Variants in NEBL observed in about 807,000 individuals in gnomAD.
NEBL encodes the protein nebulette.
In NEBL, 122 loss-of-function variants were observed where a neutral mutation model predicts 140.2. That is an observed-to-expected ratio of 0.87 (90% CI 0.75 to 1.01). The LOEUF is 1.01. Ranked by LOEUF, NEBL falls within the 50% of genes least tolerant of loss-of-function variation. The pLI, the probability that NEBL is intolerant of heterozygous loss-of-function variation, is 0.00. For synonymous variants in NEBL, 436 were observed against 398.9 expected, an observed-to-expected ratio of 1.09 and a Z score of -1.11; for missense variants, 1,365 against 1,231.3, an observed-to-expected ratio of 1.11 and a Z score of -1.62.
intron 26 of NEBL, chr10:20,793,244 C>T (rs1836173923): frequency 3.1e-6 from 2 of 639,244 alleles, no homozygotes. Context: ...GTTAAAACCA[C>T]CAAGTTTTAA....
intron 5 of NEBL, among the ~76,000 whole-genome samples, chr10:20,878,479 T>C (rs1845717351): frequency 6.6e-6 from 1 of 152,224 alleles, no homozygotes; most frequent in Non-Finnish European, 1.5e-5. Context: ...GCTGAACTTT[T>C]ACAGGAGACA....
chr10:20,796,133 G>A (rs12247910), intron 26 of NEBL, among the ~76,000 whole-genome samples: 1,805 of 152,164 alleles, frequency 0.012, 26 homozygotes, highest in African/African-American at 0.04. Flanking sequence ...GGAGGCTGAG[G>A]CGGGCGGATC....
chr10:21,176,786 T>C (rs1841307401), upstream of NEBL, among the ~76,000 whole-genome samples: 2 of 152,188 alleles, frequency 1.3e-5, no homozygotes, highest in African/African-American at 4.8e-5. Context: ...ACAAAACAAT[T>C]GACCTTCATC....
chr10:21,144,877 C>T (rs1839819591), intron 2 of NEBL, among the ~76,000 whole-genome samples: 1 of 151,282 alleles, frequency 6.6e-6, no homozygotes, highest in Admixed American at 6.6e-5. Flanking sequence ...CATGGGCTCT[C>T]TCCTCTCAAT....
rs1844729259 is a variant in NEBL, at chr10:20,869,798, G to A, written c.524C>T (p.Ala175Val). Residue 175 changes from alanine (A) to valine (V), a missense_variant, in exon 6 of 28, where the codon GCA becomes GTA. Ala to Val is a moderately conservative substitution (Grantham distance 64, BLOSUM62 0). Around this residue, in one of 2 missense-constraint regions of NEBL, gnomAD observed 1,323 missense variants for 1,154.8 expected, o/e 1.15. Coordinates refer to ENST00000377122, the MANE Select transcript of NEBL (RefSeq NM_006393.3). ...KDVQDTHTYS[A>V]ELDRPDIKMA... ...CTTGATGTCTGGTCGGTCAAGTTCTGCACTGTACGTGTGGGTGTCCTGCAC... is the reference window on the plus strand; with the variant it reads ...CTTGATGTCTGGTCGGTCAAGTTCTACACTGTACGTGTGGGTGTCCTGCAC... 6.2e-7 allele frequency: 1 copy of A among 1,613,542 alleles called. No homozygotes were observed. Among genetic ancestry groups the A allele is most frequent in the Admixed American group, 1.7e-5 (1 of 59,996 alleles).
chr10:21,230,667 T>C (rs1028751144), intron 3 of NEBL, among the ~76,000 whole-genome samples: 1 of 149,406 alleles, frequency 6.7e-6, no homozygotes, highest in Non-Finnish European at 1.5e-5. Context: ...TGCAGCGGCG[T>C]GATCTTGGTT....
At chr10:20,823,074 G>A in intron 19 of NEBL, 134 bp downstream of exon 19, 1 of 644,122 alleles carries the variant, frequency 1.6e-6, no homozygotes. Flanking sequence ...TAAAATGCTA[G>A]CTCCACTTTT....
intron 3 of NEBL, among the ~76,000 whole-genome samples, chr10:20,977,480 G>A (rs1032187894): frequency 7.2e-5 from 11 of 152,158 alleles, no homozygotes; most frequent in South Asian, 2.1e-4. Context: ...AACTGATAAC[G>A]GCTCACACAA....
chr10:21,181,682 T>C (rs890090265), intron 3 of NEBL, among the ~76,000 whole-genome samples: 3 of 152,242 alleles, frequency 2.0e-5, no homozygotes, highest in African/African-American at 7.2e-5. Flanking sequence ...CTGCCAATCA[T>C]ACCTGCTTCT....
At chr10:21,012,822 C>T (rs1163358986) in intron 3 of NEBL, among the ~76,000 whole-genome samples, 3 of 152,132 alleles carry the variant, frequency 2.0e-5, no homozygotes, top group Admixed American at 2.0e-4. Context: ...ACACCTCCCT[C>T]CACCGTCAGC....
intron 7 of NEBL, chr10:20,868,109 T>C (rs1844507764): frequency 1.3e-5 from 2 of 150,920 alleles, no homozygotes; most frequent in Non-Finnish European, 2.9e-5. Flanking sequence ...GTTTATATAA[T>C]TCTGAAAGAA....
At chr10:20,786,257 A>G (rs1835397379) in intron 27 of NEBL, among the ~76,000 whole-genome samples, 1 of 152,220 alleles carries the variant, frequency 6.6e-6, no homozygotes, top group Non-Finnish European at 1.5e-5. Flanking sequence ...TATTCTTCAG[A>G]GAACAAAACT....
chr10:20,794,199 G>T (rs907415867), intron 26 of NEBL, among the ~76,000 whole-genome samples: 10 of 152,218 alleles, frequency 6.6e-5, no homozygotes, highest in African/African-American at 2.4e-4. Context: ...AGCAGAGCAG[G>T]ACCTGGCGGT....
chr10:20,975,594 T>C (rs1836759858), intron 3 of NEBL, among the ~76,000 whole-genome samples: 1 of 152,200 alleles, frequency 6.6e-6, no homozygotes, highest in Admixed American at 6.5e-5. Flanking sequence ...GTTATTTCTT[T>C]GAATTGTTCT....
At position 20,785,631 on chromosome 10, in the gene NEBL, G is replaced by T; in HGVS notation, c.*116C>A. ...GGTACCTGTGTGTCTAATTGTCAAA[G>T]GAAGGATACATCATTGTAAAATAAT... On this transcript the variant is annotated 3_prime_UTR_variant, in exon 28 of 28. Transcript: ENST00000377122. 8.3e-7 allele frequency: 1 copy of T among 1,206,402 alleles called. No individual in the cohort carries two copies. The highest frequency in any genetic ancestry group is 1.2e-6 in the Non-Finnish European group (1 of 840,664). The allele number at this position is 1,206,402 out of a possible 1,614,324, so 74.7% of individuals were successfully genotyped here.
At chr10:21,008,627 A>G (rs1838222112) in intron 3 of NEBL, among the ~76,000 whole-genome samples, 1 of 152,188 alleles carries the variant, frequency 6.6e-6, no homozygotes, top group Admixed American at 6.6e-5. Context: ...AAGAATGGCC[A>G]TAATCAAAAA....
intron 6 of NEBL, 115 bp from the exon 7 acceptor site, chr10:20,868,880 C>T (rs1358914744): frequency 2.7e-6 from 2 of 735,446 alleles, no homozygotes; most frequent in African/African-American, 3.6e-5. Flanking sequence ...ATATTCCTTA[C>T]AACACATCAA....
chr10:20,826,371 A>G, intron 18 of NEBL, 76 bp downstream of exon 18: 1 of 1,113,016 alleles, frequency 9.0e-7, no homozygotes, highest in Non-Finnish European at 1.4e-6. Context: ...CCATCAGTTG[A>G]GTAAAGAACT....
intron 1 of NEBL, among the ~76,000 whole-genome samples, chr10:21,283,082 G>A (rs1843012517): frequency 6.6e-6 from 1 of 151,038 alleles, no homozygotes; most frequent in African/African-American, 2.4e-5. Context: ...GTTGCAGTGA[G>A]CAGAGATCAT....
Sources: gnomAD v4.1 joint callset for allele counts (sites outside exome capture counted in the v4.1 genomes callset) on GRCh38, gnomAD v4.1.1 for gene constraint, gnomAD v4.1.1 regional missense constraint, MANE v1.5 for transcripts, NCBI Gene and HGNC (gene_info 2026-07-23, HGNC 2026-07-21) for gene names.